Variants in PMPCA observed in about 807,000 individuals in gnomAD.
PMPCA encodes the protein mitochondrial-processing peptidase subunit alpha.
A neutral mutation model predicts 59.3 loss-of-function variants in PMPCA; 47 were observed. The ratio of observed to expected loss-of-function variants is 0.79; its 90% CI spans 0.63 to 1.01. The LOEUF is 1.01. Among genes scored for constraint, PMPCA ranks in the 50% least tolerant of loss-of-function variants. The pLI is 0.00. For synonymous variants in PMPCA, 338 were observed against 290.3 expected (o/e 1.16, Z -1.67); for missense variants, 726 against 704.5 (o/e 1.03, Z -0.34).
chr9:136,413,473 A>G (rs1286806588), intron 4 of PMPCA, among the ~76,000 whole-genome samples: 1 of 152,194 alleles, frequency 6.6e-6, no homozygotes, highest in Non-Finnish European at 1.5e-5. Flanking sequence ...GAGATGGGTG[A>G]ATATAGATCA....
chr9:136,419,503 G>A (rs532587341), intron 11 of PMPCA: 3 of 335,370 alleles, frequency 8.9e-6, no homozygotes, highest in African/African-American at 2.1e-5. Flanking sequence ...GAAGCAGCTC[G>A]CACAGGTGGG....
rs374496927 is a variant in PMPCA, at chr9:136,418,873, G to C, written c.1155G>C (p.Glu385Asp). The change falls in exon 10 of 13, where the codon GAG becomes GAC. Residue 385 changes from glutamate to aspartate, a missense_variant. Coordinates refer to ENST00000371717, the MANE Select transcript of PMPCA (RefSeq NM_015160.3). The stretch of plus-strand genomic sequence containing the variant: ...CGACCTCCTACCACCACAGCTACGA[G>C]GACACTGGCCTCCTTTGCATCCATG... ...YNATSYHHSY[E>D]DTGLLCIHAS... The C allele has an allele frequency of 6.2e-7, 1 of 1,613,680 alleles. No homozygotes were observed. The highest frequency in any genetic ancestry group is 8.5e-7 in the Non-Finnish European group (1 of 1,180,014).
chr9:136,416,414 GC>G (rs1835276170), intron 6 of PMPCA, 23 bp downstream of exon 6: 1 of 1,516,250 alleles, frequency 6.6e-7, no homozygotes. Context: ...ACTCGAGAAT[GC>G]CCCCGCATCT....
In PMPCA at chr9:136,423,505, A is replaced by T. The variant is rs1220930387; in HGVS notation, c.*241A>T. 2.0e-6 allele frequency: 1 copy of T among 495,470 alleles called. No homozygotes were observed. The highest frequency in any genetic ancestry group is 1.9e-5 in the African/African-American group (1 of 52,030). The allele number at this position is 495,470 out of a possible 1,614,324, so 30.7% of individuals were successfully genotyped here. A position where few individuals can be genotyped will look rare whatever the true frequency, so the allele number is the denominator to read the frequency against. ...GGTGAAGTGCCCAGCGCTGGAGTGC[A>T]GCGTGCCACGAGGAGGGCGGTCGGT... On this transcript the variant is annotated 3_prime_UTR_variant, in exon 13 of 13. Coordinates refer to ENST00000371717, the MANE Select transcript of PMPCA (RefSeq NM_015160.3).
Position 136,421,903 on chromosome 9 carries a change from C to T in PMPCA, c.1335C>T (p.Ile445=), listed in dbSNP as rs750556364. The T allele has an allele frequency of 4.3e-6, 7 of 1,612,060 alleles. No homozygotes were observed. The highest frequency in any genetic ancestry group is 2.2e-5 in the East Asian group (1 of 44,850). The part of the protein sequence containing the change: ...LMMNLESRPV[I]FEDVGRQVLA... ...TGAACCTGGAATCCAGGCCTGTGAT[C>T]TTCGAGGATGTGGGGAGGCAGGTGC... The change falls in exon 12 of 13, where the codon ATC becomes ATT. Residue 445 remains isoleucine (I), a synonymous_variant. Coordinates refer to ENST00000371717, the MANE Select transcript of PMPCA (RefSeq NM_015160.3).
Position 136,417,079 on chromosome 9 carries a change from C to G in PMPCA, c.762C>G (p.Ala254=). The change falls in exon 7 of 13, where the codon GCC becomes GCG. Residue 254 remains alanine (A), a synonymous_variant. Transcript: ENST00000371717. ...NYYTPDRMVL[A]GVGVEHEHLV... Reference sequence around the variant, plus strand: ...ACACTCCCGACCGCATGGTGCTGGCCGGCGTGGGCGTGGAGCACGAGCATC... The same window carrying G: ...ACACTCCCGACCGCATGGTGCTGGCGGGCGTGGGCGTGGAGCACGAGCATC... 6.2e-7 allele frequency: 1 copy of G among 1,614,008 alleles called. No homozygotes were observed. Among genetic ancestry groups the G allele is most frequent in the South Asian group, 1.1e-5 (1 of 91,080 alleles).
Position 136,412,794 on chromosome 9 carries a change from T to A in PMPCA, c.355-16T>A, listed in dbSNP as rs1356303147. On this transcript the variant is annotated splice_polypyrimidine_tract_variant and intron_variant, in intron 3 of 12. Coordinates refer to ENST00000371717, the MANE Select transcript of PMPCA (RefSeq NM_015160.3). ...CCTGGATTGCTTATTTAGGTTTCCTTATTTATTTTTACTAGTCTACTGCTC... is the reference window on the plus strand; with the variant it reads ...CCTGGATTGCTTATTTAGGTTTCCTAATTTATTTTTACTAGTCTACTGCTC... The A allele has an allele frequency of 2.0e-6, 3 of 1,512,466 alleles. No homozygotes were observed. The highest frequency in any genetic ancestry group is 2.8e-6 in the Non-Finnish European group (3 of 1,088,096). The allele number at this position is 1,512,466 out of a possible 1,614,324, so 93.7% of individuals were successfully genotyped here. A position where few individuals can be genotyped will look rare whatever the true frequency, so the allele number is the denominator to read the frequency against.
chr9:136,412,716 T>C (rs1295118845), intron 3 of PMPCA, 94 bp from the exon 4 acceptor site: 2 of 840,368 alleles, frequency 2.4e-6, no homozygotes, highest in Admixed American at 2.2e-5. Flanking sequence ...AATTTTTGTA[T>C]GTGTGTTAAA....
At chr9:136,414,139 A>G (rs1039890124) in intron 4 of PMPCA, among the ~76,000 whole-genome samples, 4 of 152,236 alleles carry the variant, frequency 2.6e-5, no homozygotes, top group Non-Finnish European at 4.4e-5. Context: ...CGTTCAGTCA[A>G]CAGGAGGCTG....
At chr9:136,419,276 C>T (rs1835378309) in intron 11 of PMPCA, 170 bp downstream of exon 11, 2 of 713,176 alleles carry the variant, frequency 2.8e-6, no homozygotes, top group African/African-American at 3.5e-5. Context: ...GGCTGAGCTG[C>T]TCCACCTGGG....
chr9:136,412,372 T>A, intron 2 of PMPCA, 118 bp from the exon 3 acceptor site: 1 of 751,206 alleles, frequency 1.3e-6, no homozygotes, highest in South Asian at 1.6e-5. Context: ...ATCAGCACAA[T>A]CACCCTCATG....
chr9:136,412,054 CCT>C lies in PMPCA; in HGVS notation c.134_135del (p.Ser45PhefsTer15). 1.2e-6 allele frequency: 2 copies of C among 1,613,506 alleles called. No homozygotes were observed. The highest frequency in any genetic ancestry group is 1.3e-5 in the African/African-American group (1 of 75,034). On this transcript the variant is annotated frameshift_variant, in exon 2 of 13. Coordinates refer to ENST00000371717, the MANE Select transcript of PMPCA (RefSeq NM_015160.3). LOFTEE classifies it high-confidence loss of function. Reference protein sequence around the residue: ...SSGGAYPNIPLSSPLPGVPKP... With the variant: ...SSGGAYPNIPXSSPLPGVPKP... ...GTGGTGGTGCCTATCCCAACATCCC[CCT>C]CTCTTCTCCCTTACCTGGAGTACCC... is the stretch of plus-strand genomic sequence containing the variant.
intron 12 of PMPCA, chr9:136,422,447 G>A: frequency 1.8e-6 from 2 of 1,087,808 alleles, no homozygotes; most frequent in Non-Finnish European, 2.3e-6. Flanking sequence ...CAAGTTGTAT[G>A]TGCATCGGAC....
At chr9:136,422,048 C>T (rs1835469650) in intron 12 of PMPCA, 72 bp downstream of exon 12, 1 of 1,553,512 alleles carries the variant, frequency 6.4e-7, no homozygotes, top group Admixed American at 2.0e-5. Flanking sequence ...TCTCGCCCTC[C>T]CGCAGGCCGT....
At chr9:136,423,063 C>T (rs1319326131) in intron 12 of PMPCA, 32 bp from the exon 13 acceptor site, 4 of 1,590,802 alleles carry the variant, frequency 2.5e-6, no homozygotes, top group Non-Finnish European at 2.6e-6. Context: ...CCGTGGCGCG[C>T]TCGTGTGACA....
In PMPCA at chr9:136,412,577, C is replaced by T. The variant is rs1287203466; in HGVS notation, c.354+8C>T. The T allele has an allele frequency of 3.4e-6, 5 of 1,476,732 alleles. No individual in the cohort carries two copies. Among genetic ancestry groups the T allele is most frequent in the Non-Finnish European group, 4.7e-6 (5 of 1,061,170 alleles). The allele number at this position is 1,476,732 out of a possible 1,614,324, so 91.5% of individuals were successfully genotyped here. On this transcript the variant is annotated splice_region_variant and intron_variant, in intron 3 of 12. Coordinates refer to ENST00000371717, the MANE Select transcript of PMPCA (RefSeq NM_015160.3). ...GAAAAATTGGCATTTTCGGTCAGTA[C>T]CCAGTTTTGTAATTTTTTAGACTAT...
chr9:136,416,996 A>G lies in PMPCA; in HGVS notation c.679A>G (p.Thr227Ala). The change falls in exon 7 of 13, where the codon ACA becomes GCA. Residue 227 changes from threonine (T) to alanine (A), a missense_variant. Thr to Ala is a moderately conservative substitution (Grantham distance 58, BLOSUM62 0). Transcript: ENST00000371717. ...AGTTGGCCTCCACCGTTTCTGCCCC[A>G]CAGAAAACGTAGCAAAGATCAACCG... is the stretch of plus-strand genomic sequence containing the variant. ...NTVGLHRFCP[T>A]ENVAKINREV... 3 of 1,612,564 alleles carry G rather than the reference A, an allele frequency of 1.9e-6. No individual in the cohort carries two copies. The highest frequency in any genetic ancestry group is 2.5e-6 in the Non-Finnish European group (3 of 1,179,898).
At chr9:136,414,704 A>T in intron 5 of PMPCA, 57 bp downstream of exon 5, 2 of 1,103,434 alleles carry the variant, frequency 1.8e-6, no homozygotes, top group Non-Finnish European at 2.8e-6. Context: ...AAGACCGGAA[A>T]GGTTTGCAGA....
In PMPCA at chr9:136,416,402, A is replaced by G. The variant is rs756331870; in HGVS notation, c.633+11A>G. On this transcript the variant is annotated intron_variant, in intron 6 of 12. Transcript: ENST00000371717. ...GAGATGATTCATGAAGTAAAATGTCAAACTCGAGAATGCCCCCGCATCTCG... is the reference window on the plus strand; with the variant it reads ...GAGATGATTCATGAAGTAAAATGTCGAACTCGAGAATGCCCCCGCATCTCG... 3.3e-5 allele frequency: 52 copies of G among 1,588,730 alleles called. No homozygotes were observed. The East Asian group carries it at 1.2e-3, about 35-fold the overall frequency.
Sources: allele counts gnomAD v4.1 joint callset (sites outside exome capture counted in the v4.1 genomes callset), GRCh38; gene constraint gnomAD v4.1.1; transcripts MANE v1.5; gene names NCBI Gene and HGNC (gene_info 2026-07-23, HGNC 2026-07-21).